Variants in PTPRD observed in about 807,000 individuals in gnomAD.
PTPRD encodes the protein protein tyrosine phosphatase receptor type D, also known as receptor-type tyrosine-protein phosphatase delta.
A neutral mutation model predicts 214.5 loss-of-function variants in PTPRD; 34 were observed. The ratio of observed to expected loss-of-function variants is 0.16; its 90% CI spans 0.12 to 0.21. The LOEUF (loss-of-function observed/expected upper bound fraction) is 0.21, where lower values mean the gene tolerates loss of function less well. PTPRD is among the 10% of genes least tolerant of loss of function. PTPRD has a pLI of 1.00. For synonymous variants in PTPRD, 1,128 were observed against 845.7 expected, an observed-to-expected ratio of 1.33 and a Z score of -5.79; for missense variants, 2,545 against 2,398.7, an observed-to-expected ratio of 1.06 and a Z score of -1.27.
Position 9,583,259 on chromosome 9 carries a change from T to A in PTPRD, c.-286-8478A>T, listed in dbSNP as rs921097724. On this transcript the variant is annotated intron_variant, in intron 7 of 45. Coordinates refer to ENST00000381196, the MANE Select transcript of PTPRD (RefSeq NM_002839.4). ...AACATCAAACAACTCATTTAGCAAG[T>A]GGGAATTTATGTCTCTTAACTGAAA... Among the ~76,000 whole-genome samples the A allele has an allele frequency of 3.9e-5, 6 of 152,048 alleles. No homozygotes were observed. The South Asian group carries it at 1.2e-3, about 32-fold the overall frequency.
chr9:10,064,841 G>C (rs1450472561), intron 3 of PTPRD, among the ~76,000 whole-genome samples: 1 of 151,926 alleles, frequency 6.6e-6, no homozygotes, highest in Non-Finnish European at 1.5e-5. Context: ...ATAAATAATT[G>C]TTTGAATTAC....
At chr9:9,276,136 G>A (rs1403665965) in intron 9 of PTPRD, among the ~76,000 whole-genome samples, 1 of 151,210 alleles carries the variant, frequency 6.6e-6, no homozygotes, top group Non-Finnish European at 1.5e-5. Context: ...TCCCGTCAGT[G>A]GCACATTTTG....
chr9:9,228,951 C>A (rs1259503580), intron 9 of PTPRD, among the ~76,000 whole-genome samples: 2 of 152,060 alleles, frequency 1.3e-5, no homozygotes, highest in Non-Finnish European at 2.9e-5. Context: ...AATGTTTTTA[C>A]AGGGAGAGCA....
intron 11 of PTPRD, among the ~76,000 whole-genome samples, chr9:8,956,907 C>T (rs972802023): frequency 6.6e-6 from 1 of 151,862 alleles, no homozygotes. Context: ...CTAAACATTG[C>T]TATTTTTTGA....
At chr9:8,940,118 G>GT (rs1287004431) in intron 11 of PTPRD, among the ~76,000 whole-genome samples, 1 of 151,028 alleles carries the variant, frequency 6.6e-6, no homozygotes, top group Non-Finnish European at 1.5e-5. Context: ...TTTTCAGACT[G>GT]TAGAATGTCC....
intron 8 of PTPRD, among the ~76,000 whole-genome samples, chr9:9,572,812 A>T (rs376776444): frequency 3.3e-5 from 5 of 151,542 alleles, no homozygotes; most frequent in African/African-American, 1.2e-4. Flanking sequence ...CAAATGTTTG[A>T]TAGCATTAAT....
At position 8,376,806 on chromosome 9, in the gene PTPRD, A is replaced by C; in HGVS notation, c.4387-80T>G. On this transcript the variant is annotated intron_variant, in intron 37 of 45. Transcript: ENST00000381196. ...CTTTGCTTTGAGTTGCTGTTGAAGG[A>C]AAACAGCTTTTCTGCACTTCATTTT... 3 of 1,568,980 alleles carry C rather than the reference A, an allele frequency of 1.9e-6. No homozygotes were observed. The South Asian group carries it at 3.5e-5, about 18-fold the overall frequency.
chr9:8,593,862 T>C (rs890968718), intron 14 of PTPRD, among the ~76,000 whole-genome samples: 1 of 152,176 alleles, frequency 6.6e-6, no homozygotes, highest in Admixed American at 6.5e-5. Context: ...AAAGAGAACT[T>C]CCATCTTTTC....
At chr9:8,465,148 T>C (rs1300067361) in intron 32 of PTPRD, among the ~76,000 whole-genome samples, 1 of 151,914 alleles carries the variant, frequency 6.6e-6, no homozygotes, top group Non-Finnish European at 1.5e-5. Flanking sequence ...TGGAAGGAGA[T>C]TGTAAGCAAT....
intron 9 of PTPRD, among the ~76,000 whole-genome samples, chr9:9,324,802 C>T (rs553114040): frequency 1.3e-5 from 2 of 152,164 alleles, no homozygotes; most frequent in South Asian, 2.1e-4. Flanking sequence ...CTAGGTTTTC[C>T]TCTAGGGTTT....
intron 37 of PTPRD, 69 bp from the exon 38 acceptor site, chr9:8,376,795 G>A (rs2134926758): frequency 4.4e-6 from 7 of 1,589,712 alleles, no homozygotes; most frequent in Non-Finnish European, 6.0e-6. Context: ...GCTTTGAGTT[G>A]CTGTTGAAGG....
chr9:10,022,910 T>C (rs1308262901), intron 4 of PTPRD, among the ~76,000 whole-genome samples: 10 of 152,206 alleles, frequency 6.6e-5, no homozygotes, highest in Admixed American at 5.2e-4. Context: ...GCATGTTTTA[T>C]GCCTCAGTAT....
chr9:9,696,991 A>T (rs1211507907), intron 7 of PTPRD, among the ~76,000 whole-genome samples: 1 of 152,070 alleles, frequency 6.6e-6, no homozygotes, highest in African/African-American at 2.4e-5. Context: ...TTACAAAAAC[A>T]TATAAAAATT....
intron 14 of PTPRD, among the ~76,000 whole-genome samples, chr9:8,548,221 C>A (rs1241102854): frequency 2.0e-5 from 3 of 152,104 alleles, no homozygotes; most frequent in African/African-American, 4.8e-5. Flanking sequence ...GCGGTCACTG[C>A]TTGAATGCTT....
In PTPRD at chr9:9,895,044, A is replaced by T. The variant is rs572925263; in HGVS notation, c.-368+43463T>A. On this transcript the variant is annotated intron_variant, in intron 5 of 45. Coordinates refer to ENST00000381196, the MANE Select transcript of PTPRD (RefSeq NM_002839.4). ...ACACAATGGGTTGAAATAATGTGTA[A>T]ACAATGCCTACATATTTCTAAATTT... Among the ~76,000 whole-genome samples, 314 of 152,160 alleles carry T rather than the reference A, an allele frequency of 2.1e-3. 1 individual carries two copies. The highest frequency in any genetic ancestry group is 3.1e-3 in the Non-Finnish European group (208 of 67,958).
At position 10,327,593 on chromosome 9, in the gene PTPRD, C is replaced by G. The variant is rs551740509; in HGVS notation, c.-545+13370G>C. Among the ~76,000 whole-genome samples the G allele has an allele frequency of 5.3e-5, 8 of 151,670 alleles. No homozygotes were observed. The South Asian group carries it at 1.7e-3, about 31-fold the overall frequency. ...GAGAAACATAACAAAATCTAGAGCT[C>G]TTGCATAAATTAAATATATATTAAA... On this transcript the variant is annotated intron_variant, in intron 3 of 45. Transcript: ENST00000381196.
At chr9:10,507,240 G>C (rs962602010) in intron 2 of PTPRD, among the ~76,000 whole-genome samples, 1 of 151,996 alleles carries the variant, frequency 6.6e-6, no homozygotes, top group Non-Finnish European at 1.5e-5. Context: ...CAACTTACAA[G>C]GGATGTGAAG....
chr9:9,982,696 TG>T (rs1384742671), intron 4 of PTPRD, among the ~76,000 whole-genome samples: 1 of 152,230 alleles, frequency 6.6e-6, no homozygotes, highest in East Asian at 1.9e-4. Context: ...GATTAGTTTT[TG>T]TTTTGTATTT....
At chr9:8,657,986 C>A (rs2096948504) in intron 12 of PTPRD, among the ~76,000 whole-genome samples, 2 of 152,006 alleles carry the variant, frequency 1.3e-5, no homozygotes, top group Admixed American at 1.3e-4. Context: ...TTGGGCTTGG[C>A]CAAAAATCTT....
Sources: allele counts gnomAD v4.1 joint callset (sites outside exome capture counted in the v4.1 genomes callset), GRCh38; gene constraint gnomAD v4.1.1; transcripts MANE v1.5; gene names NCBI Gene and HGNC (gene_info 2026-07-23, HGNC 2026-07-21).